The following XYLT1 variants were observed in gnomAD, a reference collection of about 807,000 sequenced individuals.
XYLT1 encodes the protein xylosyltransferase 1, also known as beta-D-xylosyltransferase 1.
Under a neutral mutation model 91.3 loss-of-function variants are expected in XYLT1, and 36 were observed. That is an observed-to-expected ratio of 0.39 (90% CI 0.30 to 0.52). The LOEUF is 0.52. Among genes scored for constraint, XYLT1 ranks in the 20% least tolerant of loss-of-function variants. The probability of loss-of-function intolerance (pLI) is 0.68; values close to 1 mark genes in which losing one functional copy is unlikely to be tolerated. For synonymous variants in XYLT1, 588 were observed against 532.0 expected, an observed-to-expected ratio of 1.11 and a Z score of -1.45; for missense variants, 1,242 against 1,284.5, an observed-to-expected ratio of 0.97 and a Z score of 0.51.
At chr16:17,311,053 A>G (rs1056346846) in intron 2 of XYLT1, among the ~76,000 whole-genome samples, 12 of 152,096 alleles carry the variant, frequency 7.9e-5, no homozygotes, top group African/African-American at 2.7e-4. Context: ...TCCAGCCCCA[A>G]ACTTGATGAA....
intron 2 of XYLT1, among the ~76,000 whole-genome samples, chr16:17,273,437 C>G (rs1400885011): frequency 6.6e-6 from 1 of 152,218 alleles, no homozygotes; most frequent in African/African-American, 2.4e-5. Context: ...CCAGCAACAT[C>G]TGCATCACCT....
intron 1 of XYLT1, among the ~76,000 whole-genome samples, chr16:17,468,936 AGTTC>A: frequency 6.6e-6 from 1 of 152,142 alleles, no homozygotes; most frequent in African/African-American, 2.4e-5. Context: ...CAACTCCAAG[AGTTC>A]AAAGGCAGCG....
chr16:17,442,662 G>A (rs2036545990), intron 1 of XYLT1, among the ~76,000 whole-genome samples: 1 of 152,120 alleles, frequency 6.6e-6, no homozygotes, highest in African/African-American at 2.4e-5. Context: ...TGAGAGAGGG[G>A]GCAAGGACCA....
At chr16:17,281,606 A>G (rs971224440) in intron 2 of XYLT1, among the ~76,000 whole-genome samples, 3 of 152,214 alleles carry the variant, frequency 2.0e-5, no homozygotes, top group African/African-American at 7.2e-5. Flanking sequence ...TAAGGCTCTG[A>G]ACCCAGAGAG....
At position 17,470,898 on chromosome 16, in the gene XYLT1, T is replaced by A. The variant is rs2036984003; in HGVS notation, c.-102A>T. Reference sequence around the variant, plus strand: ...CGCGGCCGCCGGCTGCCGCTCGGGCTCCCGCTCGGGCCGCCGCCGCCGCCC... The same window carrying A: ...CGCGGCCGCCGGCTGCCGCTCGGGCACCCGCTCGGGCCGCCGCCGCCGCCC... On this transcript the variant is annotated 5_prime_UTR_variant, in exon 1 of 12. Coordinates refer to ENST00000261381, the MANE Select transcript of XYLT1 (RefSeq NM_022166.4). 7 of 755,044 alleles carry A rather than the reference T, an allele frequency of 9.3e-6. No homozygotes were observed. Among genetic ancestry groups the A allele is most frequent in the Admixed American group, 2.2e-3 (2 of 910 alleles). The allele number at this position is 755,044 out of a possible 1,614,324, so 46.8% of individuals were successfully genotyped here. A position where few individuals can be genotyped will look rare whatever the true frequency, so the allele number is the denominator to read the frequency against.
In XYLT1 at chr16:17,302,229, C is replaced by CTAA. The variant is rs1334747314; in HGVS notation, c.403-42734_403-42732dup. ...CAAAATACTACTACTACTACTACTA[C>CTAA]TAATAATAATAATAATAAAAAAATA... On this transcript the variant is annotated intron_variant, in intron 2 of 11. Transcript: ENST00000261381. Among the ~76,000 whole-genome samples the CTAA allele has an allele frequency of 2.6e-4, 39 of 151,542 alleles. 1 individual carries two copies. The highest frequency in any genetic ancestry group is 8.3e-4 in the South Asian group (4 of 4,808).
At chr16:17,226,032 G>GTT (rs2033059458) in intron 3 of XYLT1, among the ~76,000 whole-genome samples, 3 of 148,272 alleles carry the variant, frequency 2.0e-5, no homozygotes, top group Admixed American at 1.3e-4. Context: ...GAGGTAGTGG[G>GTT]TTTGAAGGGG....
At chr16:17,152,023 T>TA (rs2031295801) in intron 6 of XYLT1, among the ~76,000 whole-genome samples, 2 of 152,248 alleles carry the variant, frequency 1.3e-5, no homozygotes, top group Non-Finnish European at 2.9e-5. Context: ...TGTTGAGGGC[T>TA]AATTGGTTTT....
intron 2 of XYLT1, among the ~76,000 whole-genome samples, chr16:17,292,122 CTGTG>C (rs930374417): frequency 2.0e-5 from 3 of 150,048 alleles, no homozygotes; most frequent in Non-Finnish European, 4.4e-5. Context: ...ACATATATAT[CTGTG>C]TGTGTCTATA....
chr16:17,344,706 G>C (rs73523057), intron 2 of XYLT1, among the ~76,000 whole-genome samples: 21,120 of 151,280 alleles, frequency 0.14, 2,077 homozygotes, highest in African/African-American at 0.27. Context: ...ACTGTCTAAG[G>C]ATTCTTTTTT....
At chr16:17,264,765 T>C (rs2141765219) in intron 2 of XYLT1, among the ~76,000 whole-genome samples, 1 of 152,292 alleles carries the variant, frequency 6.6e-6, no homozygotes, top group Non-Finnish European at 1.5e-5. Context: ...GAAACTAACA[T>C]AGAGAGAGGT....
At chr16:17,297,877 C>G (rs955288511) in intron 2 of XYLT1, among the ~76,000 whole-genome samples, 38 of 152,014 alleles carry the variant, frequency 2.5e-4, no homozygotes, top group African/African-American at 8.9e-4. Context: ...AAACATTAGC[C>G]GGGCGTGGTG....
At chr16:17,285,862 C>G (rs547865436) in intron 2 of XYLT1, among the ~76,000 whole-genome samples, 95 of 148,548 alleles carry the variant, frequency 6.4e-4, no homozygotes, top group African/African-American at 2.3e-3. Context: ...TAGCCCCAAA[C>G]CTGGTGTATC....
At chr16:17,126,355 C>T (rs1216368646) in intron 10 of XYLT1, among the ~76,000 whole-genome samples, 3 of 152,222 alleles carry the variant, frequency 2.0e-5, no homozygotes, top group African/African-American at 7.2e-5. Flanking sequence ...CAATTGGCTG[C>T]TCAGGCCCCT....
At chr16:17,413,433 T>C (rs1295871052) in intron 1 of XYLT1, among the ~76,000 whole-genome samples, 3 of 141,210 alleles carry the variant, frequency 2.1e-5, no homozygotes, top group African/African-American at 8.5e-5. Flanking sequence ...TTCTTATTTT[T>C]TGTCATCATT....
chr16:17,467,532 T>G (rs1304888228), intron 1 of XYLT1, among the ~76,000 whole-genome samples: 1 of 152,192 alleles, frequency 6.6e-6, no homozygotes, highest in African/African-American at 2.4e-5. Context: ...TTAAGAGCTT[T>G]AAAAGAGGCT....
chr16:17,166,714 GT>G (rs2031693392), intron 5 of XYLT1, among the ~76,000 whole-genome samples: 1 of 151,142 alleles, frequency 6.6e-6, no homozygotes, highest in African/African-American at 2.4e-5. Flanking sequence ...TAGAGATGGG[GT>G]TTCGTCATGT....
intron 1 of XYLT1, among the ~76,000 whole-genome samples, chr16:17,361,514 T>C (rs1196502759): frequency 6.6e-6 from 1 of 152,240 alleles, no homozygotes; most frequent in Admixed American, 6.5e-5. Flanking sequence ...ATGCTCTTTC[T>C]CTAAGTCTGC....
chr16:17,326,429 A>G (rs1181910199), intron 2 of XYLT1, among the ~76,000 whole-genome samples: 1 of 152,162 alleles, frequency 6.6e-6, no homozygotes, highest in African/African-American at 2.4e-5. Flanking sequence ...GAATTTTGAA[A>G]GGTTGACCTC....
Sources: allele counts gnomAD v4.1 joint callset (sites outside exome capture counted in the v4.1 genomes callset), GRCh38; gene constraint gnomAD v4.1.1; transcripts MANE v1.5; gene names NCBI Gene and HGNC (gene_info 2026-07-23, HGNC 2026-07-21).